The following NKX6-3 variants were observed in gnomAD, a reference collection of about 807,000 sequenced individuals.
The protein encoded by NKX6-3 is homeobox protein Nkx-6.3.
NKX6-3 carries 17 observed loss-of-function variants against 22.0 expected under a neutral mutation model. That is an observed-to-expected ratio of 0.77 (90% CI 0.53 to 1.16). The LOEUF is 1.16. Among genes scored for constraint, NKX6-3 ranks in the 50% most tolerant of loss-of-function variants. The pLI, the probability that NKX6-3 is intolerant of heterozygous loss-of-function variation, is 0.00. For synonymous variants in NKX6-3, 177 were observed against 167.2 expected (o/e 1.06, Z -0.45); for missense variants, 363 against 359.0 (o/e 1.01, Z -0.09).
Position 41,648,165 on chromosome 8 carries a change from G to T in NKX6-3, c.453C>A (p.Ile151=). Residue 151 remains isoleucine, a synonymous_variant, in exon 2 of 3, where the codon ATC becomes ATA. Transcript: ENST00000518699. ...GCTCAAAGGTTTTCTCCAGGGCAAA[G>T]ATCTGGTGCCCCGTGAAGGTGGGCC... The part of the protein sequence containing the change: ...HTRPTFTGHQ[I]FALEKTFEQT... 6.5e-7 allele frequency: 1 copy of T among 1,538,702 alleles called. No individual in the cohort carries two copies. Among genetic ancestry groups the T allele is most frequent in the South Asian group, 1.2e-5 (1 of 84,060 alleles).
chr8:41,646,283 T>C lies in NKX6-3; in HGVS notation c.*166A>G. The C allele has an allele frequency of 3.1e-4, 251 of 810,100 alleles. No homozygotes were observed. Among genetic ancestry groups the C allele is most frequent in the Admixed American group, 1.8e-3 (57 of 31,228 alleles). The allele number at this position is 810,100 out of a possible 1,614,324, so 50.2% of individuals were successfully genotyped here. On this transcript the variant is annotated 3_prime_UTR_variant, in exon 3 of 3. Coordinates refer to ENST00000518699, the MANE Select transcript of NKX6-3 (RefSeq NM_001364841.2). Reference sequence around the variant, plus strand: ...CTCCTTTTCCTCCTCCTCCCCCGCCTCCCCTCCTCCTCCCCTGCACCTGCT... The same window carrying C: ...CTCCTTTTCCTCCTCCTCCCCCGCCCCCCCTCCTCCTCCCCTGCACCTGCT...
chr8:41,646,853 C>T (rs902745319), intron 2 of NKX6-3, among the ~76,000 whole-genome samples, 159 bp from the exon 3 acceptor site: 2 of 148,658 alleles, frequency 1.3e-5, no homozygotes, highest in African/African-American at 5.0e-5. Context: ...AAAACGTGAG[C>T]GCGGCAGCCC....
rs1335238463 is a variant in NKX6-3, at chr8:41,650,692, A to T, written c.-200T>A. The T allele has an allele frequency of 1.7e-6, 1 of 580,198 alleles. No individual in the cohort carries two copies. Among genetic ancestry groups the T allele is most frequent in the Non-Finnish European group, 3.0e-6 (1 of 331,730 alleles). The allele number at this position is 580,198 out of a possible 1,614,324, so 35.9% of individuals were successfully genotyped here. Reference sequence around the variant, plus strand: ...TGCTCGGAAGTCAGGTGCTCGGGGCAGGTGGGAGGCCTCCCCAGGGCTCCT... The same window carrying T: ...TGCTCGGAAGTCAGGTGCTCGGGGCTGGTGGGAGGCCTCCCCAGGGCTCCT... On this transcript the variant is annotated 5_prime_UTR_variant, in exon 1 of 3. Coordinates refer to ENST00000518699, the MANE Select transcript of NKX6-3 (RefSeq NM_001364841.2).
chr8:41,648,491 CCTCT>C (rs1382081794), intron 1 of NKX6-3, among the ~76,000 whole-genome samples: 5 of 152,184 alleles, frequency 3.3e-5, no homozygotes, highest in Admixed American at 6.5e-5. Flanking sequence ...GAGCCTCATG[CCTCT>C]CTGTCTAAAG....
chr8:41,647,351 T>C, intron 2 of NKX6-3: 1 of 1,565,900 alleles, frequency 6.4e-7, no homozygotes, highest in Non-Finnish European at 8.6e-7. Context: ...CTGCCCCTGC[T>C]GCATCCTTAG....
At chr8:41,648,289 T>G in intron 1 of NKX6-3, 54 bp from the exon 2 acceptor site, 1 of 1,464,636 alleles carries the variant, frequency 6.8e-7, no homozygotes, top group Non-Finnish European at 9.1e-7. Context: ...ACCCTGCGGC[T>G]AGGCACGTCT....
chr8:41,649,162 G>A (rs1804265550), intron 1 of NKX6-3, among the ~76,000 whole-genome samples: 1 of 152,170 alleles, frequency 6.6e-6, no homozygotes, highest in Non-Finnish European at 1.5e-5. Context: ...TCACCCCCAG[G>A]GGCACAGCGA....
intron 1 of NKX6-3, among the ~76,000 whole-genome samples, chr8:41,649,829 G>A (rs1219003105): frequency 1.3e-5 from 2 of 152,132 alleles, no homozygotes; most frequent in Admixed American, 1.3e-4. Flanking sequence ...TGGGCTGTGG[G>A]GCCTTCTCTA....
At position 41,646,411 on chromosome 8, in the gene NKX6-3, C is replaced by T. The variant is rs1034582289; in HGVS notation, c.*38G>A. The stretch of plus-strand genomic sequence containing the variant: ...AGGTAGGCTCCTCGGCGTCCCCCCG[C>T]AGGCTGCAGCCAGGATCCCGGGCCT... On this transcript the variant is annotated 3_prime_UTR_variant, in exon 3 of 3. Coordinates refer to ENST00000518699, the MANE Select transcript of NKX6-3 (RefSeq NM_001364841.2). 6.4e-7 allele frequency: 1 copy of T among 1,558,566 alleles called. No individual in the cohort carries two copies. The highest frequency in any genetic ancestry group is 8.6e-7 in the Non-Finnish European group (1 of 1,157,160).
chr8:41,647,459 C>T (rs1804236653), intron 2 of NKX6-3: 3 of 1,249,930 alleles, frequency 2.4e-6, no homozygotes, highest in South Asian at 1.5e-5. Context: ...ATTTAGGGGG[C>T]ATTTGGGGCC....
chr8:41,650,240 A>G lies in NKX6-3; in HGVS notation c.253T>C (p.Ser85Pro), dbSNP rs1157326172. 4 of 1,533,352 alleles carry G rather than the reference A, an allele frequency of 2.6e-6. No individual in the cohort carries two copies. In the Admixed American group the frequency reaches 7.9e-5, roughly 30 times the overall value. The allele number at this position is 1,533,352 out of a possible 1,614,324, so 95.0% of individuals were successfully genotyped here. ...PHVAGFGGLS[S>P]QGVYYSPQVG... ...TGGGGGCTGTAGTAGACCCCCTGCG[A>G]GCTGAGCCCCCCAAAGCCTGCCACG... Residue 85 changes from serine (S) to proline (P), a missense_variant, in exon 1 of 3, where the codon TCG becomes CCG. Ser to Pro is a moderately conservative substitution (Grantham distance 74). Coordinates refer to ENST00000518699, the MANE Select transcript of NKX6-3 (RefSeq NM_001364841.2).
At chr8:41,647,167 G>A in intron 2 of NKX6-3, 1 of 1,610,602 alleles carries the variant, frequency 6.2e-7, no homozygotes, top group East Asian at 2.2e-5. Context: ...CCATTGCTTG[G>A]GATAGTTGAA....
intron 2 of NKX6-3, 82 bp downstream of exon 2, chr8:41,647,983 TG>T: frequency 7.8e-7 from 1 of 1,275,822 alleles, no homozygotes; most frequent in East Asian, 2.6e-5. Flanking sequence ...CTGCGTTGTG[TG>T]GCCACCTCTC....
Position 41,650,592 on chromosome 8 carries a change from C to G in NKX6-3, c.-100G>C, listed in dbSNP as rs1019128231. ...CATGGCAGGCCTGGAGGCTTAGGAC[C>G]GTCTCCGAGCTCCTGACTGCCTCCC... On this transcript the variant is annotated 5_prime_UTR_variant, in exon 1 of 3. Coordinates refer to ENST00000518699, the MANE Select transcript of NKX6-3 (RefSeq NM_001364841.2). The G allele has an allele frequency of 1.1e-4, 133 of 1,223,664 alleles. No individual in the cohort carries two copies. Among genetic ancestry groups the G allele is most frequent in the Admixed American group, 2.3e-4 (9 of 38,548 alleles). 75.8% of individuals were successfully genotyped at this position (1,223,664 alleles called of 1,614,324 possible). A position where few individuals can be genotyped will look rare whatever the true frequency, so the allele number is the denominator to read the frequency against.
Position 41,650,705 on chromosome 8 carries a change from C to A in NKX6-3, c.-213G>T. On this transcript the variant is annotated 5_prime_UTR_variant, in exon 1 of 3. Transcript: ENST00000518699. The stretch of plus-strand genomic sequence containing the variant: ...GGTGCTCGGGGCAGGTGGGAGGCCT[C>A]CCCAGGGCTCCTGGCCTCTCTCCTT... 1.8e-6 allele frequency: 1 copy of A among 554,706 alleles called. No individual in the cohort carries two copies. The highest frequency in any genetic ancestry group is 3.2e-6 in the Non-Finnish European group (1 of 312,622). 34.4% of individuals were successfully genotyped at this position (554,706 alleles called of 1,614,324 possible). A position where few individuals can be genotyped will look rare whatever the true frequency, so the allele number is the denominator to read the frequency against.
rs992403413 is a variant in NKX6-3 at position 41,650,339 on chromosome 8, G to C, written c.154C>G (p.Pro52Ala). The C allele has an allele frequency of 6.5e-7, 1 of 1,534,944 alleles. No homozygotes were observed. The highest frequency in any genetic ancestry group is 1.4e-5 in the African/African-American group (1 of 73,028). Residue 52 changes from proline to alanine, a missense_variant, in exon 1 of 3, where the codon CCC becomes GCC. By Grantham distance (27) the Pro-to-Ala change is conservative (BLOSUM62 -1). Around this residue, in one of 3 missense-constraint regions of NKX6-3, gnomAD observed 175 missense variants for 160.9 expected, o/e 1.09. Transcript: ENST00000518699. ...CTCAGGATGTCCGTGATCCCGTGGG[G>C]GGTTCCGGCGGCCAGCTGGGGGCCC... ...GLGPQLAAGT[P>A]HGITDILSRP...
Position 41,646,357 on chromosome 8 carries a change from C to T in NKX6-3, c.*92G>A, listed in dbSNP as rs1281745607. On this transcript the variant is annotated 3_prime_UTR_variant, in exon 3 of 3. Coordinates refer to ENST00000518699, the MANE Select transcript of NKX6-3 (RefSeq NM_001364841.2). ...TCCAAAGAAAGACTCAGTCCCTGCGCCCCCAGGAGCGTGGGGAAGGGGAGG... is the reference window on the plus strand; with the variant it reads ...TCCAAAGAAAGACTCAGTCCCTGCGTCCCCAGGAGCGTGGGGAAGGGGAGG... The T allele has an allele frequency of 7.5e-6, 11 of 1,476,088 alleles. No homozygotes were observed. Among genetic ancestry groups the T allele is most frequent in the Non-Finnish European group, 9.1e-6 (10 of 1,101,590 alleles). 91.4% of individuals were successfully genotyped at this position (1,476,088 alleles called of 1,614,324 possible).
chr8:41,646,467 C>G lies in NKX6-3; in HGVS notation c.780G>C (p.Leu260=). Residue 260 remains leucine (L), a synonymous_variant, in exon 3 of 3, where the codon CTG becomes CTC. Coordinates refer to ENST00000518699, the MANE Select transcript of NKX6-3 (RefSeq NM_001364841.2). ...KHRAAFSVLS[L]GAHSV is the part of the protein sequence containing the mutation. ...GCGGGCGTCAGACGCTGTGCGCTCC[C>G]AGGCTGAGCACCGAGAAGGCGGCGC... 1 of 1,603,676 alleles carries G rather than the reference C, an allele frequency of 6.2e-7. No homozygotes were observed. The highest frequency in any genetic ancestry group is 8.5e-7 in the Non-Finnish European group (1 of 1,176,596).
Position 41,646,599 on chromosome 8 carries a change from G to T in NKX6-3, c.648C>A (p.Gly216=). ...CCGAGGGTGCGCGGTCCCCGCCTGC[G>T]CCTGCACCCGCGCCGCCCGGGGCCC... ...TPRAPGGAGA[G]AGGDRAPSEN... Residue 216 remains glycine, a synonymous_variant, in exon 3 of 3, where the codon GGC becomes GGA. Transcript: ENST00000518699. The T allele has an allele frequency of 1.3e-6, 2 of 1,570,732 alleles. No individual in the cohort carries two copies. The highest frequency in any genetic ancestry group is 1.7e-6 in the Non-Finnish European group (2 of 1,158,996).
Sources: allele counts gnomAD v4.1 joint callset (sites outside exome capture counted in the v4.1 genomes callset), GRCh38; gene constraint gnomAD v4.1.1; regional missense constraint gnomAD v4.1.1; transcripts MANE v1.5; gene names NCBI Gene and HGNC (gene_info 2026-07-23, HGNC 2026-07-21).